Variants in PCCA observed in about 807,000 individuals in gnomAD.
The protein encoded by PCCA is propionyl-CoA carboxylase subunit alpha, also known as propionyl-CoA carboxylase alpha chain, mitochondrial.
Under a neutral mutation model 101.3 loss-of-function variants are expected in PCCA, and 74 were observed. That is an observed-to-expected ratio of 0.73 (90% CI 0.61 to 0.89). PCCA has a LOEUF of 0.89. PCCA is among the 40% of genes least tolerant of loss of function. PCCA has a pLI of 0.00. For missense variants in PCCA, 891 were observed against 907.0 expected, an observed-to-expected ratio of 0.98 and a Z score of 0.23; for synonymous variants, 294 against 313.6, an observed-to-expected ratio of 0.94 and a Z score of 0.66.
rs987389059 is a variant in PCCA, at chr13:100,168,701, G to A, written c.468+11361G>A. On this transcript the variant is annotated intron_variant, in intron 6 of 23. Transcript: ENST00000376285. ...CCACCCTTTCTGCCCGGTTGTTAGC[G>A]TCACCTTAGGTGACCATCCCTTCCC... Among the ~76,000 whole-genome samples the A allele has an allele frequency of 3.3e-5, 5 of 152,020 alleles. No homozygotes were observed. In the South Asian group the frequency reaches 6.2e-4, roughly 19 times the overall value.
intron 8 of PCCA, among the ~76,000 whole-genome samples, chr13:100,238,722 G>A (rs1424748612): frequency 6.6e-6 from 1 of 152,140 alleles, no homozygotes; most frequent in Admixed American, 6.5e-5. Flanking sequence ...ACTTTCTAAA[G>A]TAAATTAAAT....
chr13:100,515,509 T>G lies in PCCA; in HGVS notation c.1982T>G (p.Val661Gly), dbSNP rs1388372464. Residue 661 changes from valine to glycine, a missense_variant, in exon 22 of 24, where the codon GTT becomes GGT. Val to Gly is a moderately radical substitution (Grantham distance 109). Transcript: ENST00000376285. ...AAAGTGACTGAGGACACAAGCAGTG[T>G]TCTGCGTTCCCCGATGCCCGGAGTG... ...LEKVTEDTSS[V>G]LRSPMPGVVV... 1 of 1,614,212 alleles carries G rather than the reference T, an allele frequency of 6.2e-7. No homozygotes were observed. Among genetic ancestry groups the G allele is most frequent in the Non-Finnish European group, 8.5e-7 (1 of 1,180,030 alleles).
chr13:100,194,584 AT>A (rs2057978401), intron 6 of PCCA, among the ~76,000 whole-genome samples: 1 of 151,340 alleles, frequency 6.6e-6, no homozygotes, highest in East Asian at 1.9e-4. Flanking sequence ...CACCCAGCTA[AT>A]TTTTTTTGTA....
At chr13:100,277,034 A>G (rs2063715321) in intron 12 of PCCA, among the ~76,000 whole-genome samples, 1 of 152,070 alleles carries the variant, frequency 6.6e-6, no homozygotes. Flanking sequence ...GATTTTTCAA[A>G]TTTTTTTCTG....
Position 100,507,719 on chromosome 13 carries a change from C to T in PCCA, c.1900-7708C>T, listed in dbSNP as rs185714293. Among the ~76,000 whole-genome samples, 364 of 152,238 alleles carry T rather than the reference C, an allele frequency of 2.4e-3. 1 individual carries two copies. The highest frequency in any genetic ancestry group is 8.3e-3 in the African/African-American group (346 of 41,524). ...TGGCCTGGGCTGGAGTGCAGTGGCG[C>T]GATCTCGGCTCCCTGCAACCTCCAC... On this transcript the variant is annotated intron_variant, in intron 21 of 23. Coordinates refer to ENST00000376285, the MANE Select transcript of PCCA (RefSeq NM_000282.4).
At chr13:100,505,332 G>A (rs1016910461) in intron 21 of PCCA, among the ~76,000 whole-genome samples, 4 of 152,196 alleles carry the variant, frequency 2.6e-5, no homozygotes, top group South Asian at 4.1e-4. Flanking sequence ...TAACCAAACT[G>A]TTTCTCTAAT....
chr13:100,422,458 A>G (rs369799024), intron 19 of PCCA, among the ~76,000 whole-genome samples: 14 of 152,278 alleles, frequency 9.2e-5, no homozygotes, highest in African/African-American at 2.6e-4. Context: ...CTCTAGCCTT[A>G]AAGTTCTATA....
intron 21 of PCCA, among the ~76,000 whole-genome samples, chr13:100,492,713 A>G (rs2084993530): frequency 1.3e-5 from 2 of 150,778 alleles, no homozygotes; most frequent in African/African-American, 4.9e-5. Context: ...GTATCCATAT[A>G]AACCCCAAAC....
At chr13:100,181,667 C>T (rs139452313) in intron 6 of PCCA, among the ~76,000 whole-genome samples, 1 of 151,916 alleles carries the variant, frequency 6.6e-6, no homozygotes, top group African/African-American at 2.4e-5. Flanking sequence ...AAGTGATCCG[C>T]TTGTCTTGAT....
intron 19 of PCCA, among the ~76,000 whole-genome samples, chr13:100,410,460 C>G (rs534013754): frequency 4.7e-4 from 72 of 152,054 alleles, no homozygotes; most frequent in Admixed American, 2.9e-3. Flanking sequence ...CCAGGATAGT[C>G]TTGATCACTT....
intron 7 of PCCA, among the ~76,000 whole-genome samples, chr13:100,213,050 G>C (rs745967707): frequency 2.0e-4 from 31 of 152,158 alleles, no homozygotes; most frequent in Admixed American, 1.2e-3. Flanking sequence ...CATCTATGTT[G>C]TTGCAAGTGA....
intron 21 of PCCA, among the ~76,000 whole-genome samples, chr13:100,501,845 G>C (rs2085696888): frequency 1.3e-5 from 2 of 151,488 alleles, no homozygotes; most frequent in African/African-American, 4.9e-5. Context: ...CTGCACTCCA[G>C]CCTGGGCAAC....
At chr13:100,521,521 G>A (rs1373174877) in intron 22 of PCCA, among the ~76,000 whole-genome samples, 4 of 152,302 alleles carry the variant, frequency 2.6e-5, no homozygotes, top group South Asian at 4.1e-4. Context: ...CCTCCTCCCC[G>A]TCTCGCTTTA....
chr13:100,262,675 T>G, intron 9 of PCCA, 54 bp from the exon 10 acceptor site: 11 of 731,298 alleles, frequency 1.5e-5, no homozygotes, highest in East Asian at 2.7e-5. Flanking sequence ...CTTCTTCCCC[T>G]TCCCCTTCCC....
At chr13:100,324,963 G>C (rs1414107867) in intron 16 of PCCA, among the ~76,000 whole-genome samples, 1 of 152,148 alleles carries the variant, frequency 6.6e-6, no homozygotes, top group Non-Finnish European at 1.5e-5. Context: ...TAGTAATGCT[G>C]GAGGTCCTCC....
intron 1 of PCCA, among the ~76,000 whole-genome samples, chr13:100,098,117 G>A (rs1311903543): frequency 6.6e-6 from 1 of 151,938 alleles, no homozygotes; most frequent in African/African-American, 2.4e-5. Context: ...TTTAAGCCTA[G>A]GAGTTAGAGG....
intron 19 of PCCA, among the ~76,000 whole-genome samples, chr13:100,391,829 A>C (rs1348661939): frequency 6.6e-6 from 1 of 152,160 alleles, no homozygotes; most frequent in Non-Finnish European, 1.5e-5. Context: ...TTCATAAATA[A>C]ATACATTAAC....
At chr13:100,191,040 T>C (rs950727405) in intron 6 of PCCA, among the ~76,000 whole-genome samples, 7 of 151,482 alleles carry the variant, frequency 4.6e-5, no homozygotes, top group African/African-American at 1.5e-4. Flanking sequence ...AAAGCTGCAG[T>C]GATCACACTA....
At chr13:100,168,646 C>T (rs2055305262) in intron 6 of PCCA, among the ~76,000 whole-genome samples, 1 of 152,184 alleles carries the variant, frequency 6.6e-6, no homozygotes, top group African/African-American at 2.4e-5. Context: ...TGAAATGTGA[C>T]AACGTAGCAG....
Sources: allele counts gnomAD v4.1 joint callset (sites outside exome capture counted in the v4.1 genomes callset), GRCh38; gene constraint gnomAD v4.1.1; transcripts MANE v1.5; gene names NCBI Gene and HGNC (gene_info 2026-07-23, HGNC 2026-07-21).